SULT4A1: variants seen among roughly 807,000 people sequenced by gnomAD.
SULT4A1 encodes the protein sulfotransferase 4A1.
SULT4A1 carries 11 observed loss-of-function variants against 35.2 expected under a neutral mutation model. That is an observed-to-expected ratio of 0.31 (90% CI 0.20 to 0.52). SULT4A1 has a LOEUF of 0.52. Among genes scored for constraint, SULT4A1 ranks in the 20% least tolerant of loss-of-function variants. The pLI is 0.97. For synonymous variants in SULT4A1, 152 were observed against 151.8 expected, an observed-to-expected ratio of 1.00 and a Z score of -0.01; for missense variants, 271 against 383.7, an observed-to-expected ratio of 0.71 and a Z score of 2.45.
At chr22:43,832,404 G>A (rs1216682504) in intron 5 of SULT4A1, among the ~76,000 whole-genome samples, 4 of 152,164 alleles carry the variant, frequency 2.6e-5, no homozygotes, top group African/African-American at 7.2e-5. Flanking sequence ...TGCGCCAGCC[G>A]GCAGCAGACC....
At chr22:43,831,656 G>C (rs772483790) in intron 5 of SULT4A1, among the ~76,000 whole-genome samples, 1 of 152,264 alleles carries the variant, frequency 6.6e-6, no homozygotes, top group Non-Finnish European at 1.5e-5. Context: ...TCCGCGCCAC[G>C]CAGGTGGAGG....
In SULT4A1 at chr22:43,826,696, G is replaced by A. The variant is rs1348238878; in HGVS notation, c.743-583C>T. 1.5e-5 allele frequency: 15 copies of A among 985,482 alleles called. No homozygotes were observed. The East Asian group carries it at 1.5e-3, about 97-fold the overall frequency. The allele number at this position is 985,482 out of a possible 1,614,324, so 61.0% of individuals were successfully genotyped here. A position where few individuals can be genotyped will look rare whatever the true frequency, so the allele number is the denominator to read the frequency against. On this transcript the variant is annotated intron_variant, in intron 6 of 6. Transcript: ENST00000330884. ...AAGCCCTCCTGACTGGGCCAAAGATGCAGATTTCAAGAAGCCTGCCCTGGC... is the reference window on the plus strand; with the variant it reads ...AAGCCCTCCTGACTGGGCCAAAGATACAGATTTCAAGAAGCCTGCCCTGGC...
In SULT4A1 at chr22:43,852,114, G is replaced by C. The variant is rs369517986; in HGVS notation, c.169+10100C>G. ...CCACTGAAACACAGCCCCCTACAGG[G>C]TTCTGGAGTCCCGGGATATCCACAG... On this transcript the variant is annotated intron_variant, in intron 1 of 6. Transcript: ENST00000330884. 5.1e-4 allele frequency among the ~76,000 whole-genome samples: 77 copies of C among 152,266 alleles called. 1 individual carries two copies. The highest frequency in any genetic ancestry group is 1.8e-3 in the African/African-American group (75 of 41,558).
intron 4 of SULT4A1, 64 bp from the exon 5 acceptor site, chr22:43,833,798 TC>T: frequency 1.5e-6 from 2 of 1,378,434 alleles, no homozygotes; most frequent in Non-Finnish European, 2.0e-6. Context: ...CATGGGGCCA[TC>T]CCCACCCCAC....
At chr22:43,839,723 T>A (rs568972345) in intron 3 of SULT4A1, among the ~76,000 whole-genome samples, 14 of 152,340 alleles carry the variant, frequency 9.2e-5, no homozygotes, top group African/African-American at 3.4e-4. Flanking sequence ...ACAGCCATGT[T>A]TGACTGTGAG....
chr22:43,830,514 T>A (rs1478562659), intron 5 of SULT4A1, among the ~76,000 whole-genome samples: 2 of 152,224 alleles, frequency 1.3e-5, no homozygotes, highest in Non-Finnish European at 2.9e-5. Context: ...AACGGCCCAC[T>A]TCACCTCTCT....
chr22:43,843,009 T>TCTC (rs1556458413), intron 1 of SULT4A1, among the ~76,000 whole-genome samples: 1 of 87,120 alleles, frequency 1.1e-5, no homozygotes, highest in South Asian at 3.7e-4. Context: ...CTCTCTGACC[T>TCTC]TCTCCTGCCC....
intron 1 of SULT4A1, 123 bp downstream of exon 1, chr22:43,862,090 CA>C: frequency 4.2e-6 from 2 of 472,166 alleles, no homozygotes; most frequent in Non-Finnish European, 5.9e-6. Context: ...GTGGGCACGG[CA>C]GGGGCGGAGG....
At chr22:43,852,688 C>G (rs1424904113) in intron 1 of SULT4A1, among the ~76,000 whole-genome samples, 5 of 151,914 alleles carry the variant, frequency 3.3e-5, no homozygotes, top group Admixed American at 1.3e-4. Flanking sequence ...TGTCTCTCAG[C>G]TCTCAACACA....
chr22:43,838,691 G>A (rs888638346), intron 4 of SULT4A1, among the ~76,000 whole-genome samples, 176 bp downstream of exon 4: 6 of 152,194 alleles, frequency 3.9e-5, no homozygotes, highest in Non-Finnish European at 8.8e-5. Flanking sequence ...CTAGGATCTC[G>A]GCCACGTTCA....
Position 43,825,181 on chromosome 22 carries a change from T to G in SULT4A1, c.*820A>C, listed in dbSNP as rs1399595510. On this transcript the variant is annotated 3_prime_UTR_variant, in exon 7 of 7. Transcript: ENST00000330884. The stretch of plus-strand genomic sequence containing the variant: ...CAGGAAACAAAGTAAGGCTGTGGAA[T>G]TCAGCTCAAATTCCGAGCGCAACTC... 2 of 152,244 alleles carry G rather than the reference T, an allele frequency of 1.3e-5. No individual in the cohort carries two copies. Among genetic ancestry groups the G allele is most frequent in the Non-Finnish European group, 2.9e-5 (2 of 68,048 alleles). The allele number at this position is 152,244 out of a possible 1,614,324, so 9.4% of individuals were successfully genotyped here.
At position 43,862,214 on chromosome 22, in the gene SULT4A1, C is replaced by G. The variant is rs765329665; in HGVS notation, c.169G>C (p.Gly57Arg). ...DVWIVTYPKS[G>R]TSLLQEVVYL... Reference sequence around the variant, plus strand: ...CGGGCGCGGTCGGCGCGGGGCTCACCGGACTTGGGGTAGGTGACGATCCAC... The same window carrying G: ...CGGGCGCGGTCGGCGCGGGGCTCACGGGACTTGGGGTAGGTGACGATCCAC... Residue 57 changes from glycine to arginine, a missense_variant and splice_region_variant, in exon 1 of 7, where the codon GGC (glycine) becomes CGC (arginine). Coordinates refer to ENST00000330884, the MANE Select transcript of SULT4A1 (RefSeq NM_014351.4). The G allele has an allele frequency of 6.5e-7, 1 of 1,548,340 alleles. No individual in the cohort carries two copies. The highest frequency in any genetic ancestry group is 8.7e-7 in the Non-Finnish European group (1 of 1,147,172).
At position 43,840,777 on chromosome 22, in the gene SULT4A1, T is replaced by C. The variant is rs143951211; in HGVS notation, c.301-752A>G. On this transcript the variant is annotated intron_variant, in intron 2 of 6. Coordinates refer to ENST00000330884, the MANE Select transcript of SULT4A1 (RefSeq NM_014351.4). ...CCCGTCTTCCCAGCTGCCCTAGGAA[T>C]GGGCCCAGCCCTCATGAAGCCAAAG... 3.7e-3 allele frequency among the ~76,000 whole-genome samples: 562 copies of C among 152,314 alleles called. 8 individuals carry two copies. The highest frequency in any genetic ancestry group is 0.013 in the African/African-American group (530 of 41,586).
At chr22:43,838,794 C>T in intron 4 of SULT4A1, 73 bp downstream of exon 4, 3 of 1,598,612 alleles carry the variant, frequency 1.9e-6, no homozygotes, top group Non-Finnish European at 1.7e-6. Context: ...CGGGGAAGCA[C>T]CCAGCACCTG....
intron 6 of SULT4A1, among the ~76,000 whole-genome samples, chr22:43,828,017 T>G (rs2063300077): frequency 6.6e-6 from 1 of 152,176 alleles, no homozygotes; most frequent in Non-Finnish European, 1.5e-5. Context: ...TTAGCCGTGA[T>G]CAGCCCCTTT....
rs371392675 is a variant in SULT4A1 at position 43,844,531 on chromosome 22, C to T, written c.170-2599G>A. On this transcript the variant is annotated intron_variant, in intron 1 of 6. Transcript: ENST00000330884. ...AAACAGCACATTTCGCACTCAGGTC[C>T]GACGGCCTCCAGCCCAAAACCCTTC... is the stretch of plus-strand genomic sequence containing the variant. Among the ~76,000 whole-genome samples the T allele has an allele frequency of 5.3e-5, 8 of 152,346 alleles. No individual in the cohort carries two copies. In the East Asian group the frequency reaches 7.7e-4, roughly 15 times the overall value.
At chr22:43,854,479 T>G (rs1603409852) in intron 1 of SULT4A1, among the ~76,000 whole-genome samples, 1 of 152,050 alleles carries the variant, frequency 6.6e-6, no homozygotes, top group East Asian at 1.9e-4. Context: ...TTGCCCAAAA[T>G]CAAAATTCAG....
intron 5 of SULT4A1, among the ~76,000 whole-genome samples, chr22:43,832,391 G>A (rs1279046315): frequency 2.6e-5 from 4 of 152,156 alleles, no homozygotes; most frequent in Non-Finnish European, 1.5e-5. Context: ...GGAACCGACA[G>A]CATGCGCCAG....
At position 43,825,961 on chromosome 22, in the gene SULT4A1, T is replaced by C. The variant is rs377074756; in HGVS notation, c.*40A>G. On this transcript the variant is annotated 3_prime_UTR_variant, in exon 7 of 7. Transcript: ENST00000330884. The stretch of plus-strand genomic sequence containing the variant: ...CATACAGGACTTTTGGCTAGTAGAC[T>C]GTCTGGGTATTGTGAGCATGCAGGT... The C allele has an allele frequency of 6.3e-7, 1 of 1,590,468 alleles. No homozygotes were observed. Among genetic ancestry groups the C allele is most frequent in the African/African-American group, 1.3e-5 (1 of 74,238 alleles).
Sources: gnomAD v4.1 joint callset for allele counts (sites outside exome capture counted in the v4.1 genomes callset) on GRCh38, gnomAD v4.1.1 for gene constraint, MANE v1.5 for transcripts, NCBI Gene and HGNC (gene_info 2026-07-23, HGNC 2026-07-21) for gene names.